GALNT13: variants seen among roughly 807,000 people sequenced by gnomAD.
GALNT13 encodes UDP-GalNAc:polypeptide N-acetylgalactosaminyltransferase 13.
In GALNT13, 28 loss-of-function variants were observed where a neutral mutation model predicts 64.2. The observed-to-expected ratio is 0.44, with a 90% CI of 0.32 to 0.60. The LOEUF (loss-of-function observed/expected upper bound fraction) is 0.60. Ranked by LOEUF, GALNT13 falls within the 20% of genes least tolerant of loss-of-function variation. The pLI is 0.05. For synonymous variants in GALNT13, 214 were observed against 224.6 expected (o/e 0.95, Z 0.42); for missense variants, 577 against 669.8 (o/e 0.86, Z 1.53).
chr2:154,030,577 G>T (rs1698271174), intron 3 of GALNT13, among the ~76,000 whole-genome samples: 1 of 151,670 alleles, frequency 6.6e-6, no homozygotes, highest in African/African-American at 2.4e-5. Flanking sequence ...TATTGATATG[G>T]TTTGGTTCTG....
intron 3 of GALNT13, among the ~76,000 whole-genome samples, chr2:154,069,108 GA>G (rs924330686): frequency 2.0e-5 from 3 of 151,810 alleles, no homozygotes; most frequent in Non-Finnish European, 4.4e-5. Flanking sequence ...CCAAAAGGAA[GA>G]AAAAGTCAAT....
chr2:153,383,662 TA>T, the GALNT13 span, among the ~76,000 whole-genome samples: 1 of 152,088 alleles, frequency 6.6e-6, no homozygotes, highest in Non-Finnish European at 1.5e-5. Context: ...TTAATTCATC[TA>T]AATTGTCTTA....
the GALNT13 span, among the ~76,000 whole-genome samples, chr2:153,275,377 G>T: frequency 2.0e-5 from 3 of 152,146 alleles, no homozygotes; most frequent in Admixed American, 6.5e-5. Context: ...AAGGTGATTA[G>T]GCAATGAGAG....
At chr2:153,139,216 A>G in the GALNT13 span, among the ~76,000 whole-genome samples, 1 of 152,044 alleles carries the variant, frequency 6.6e-6, no homozygotes, top group Non-Finnish European at 1.5e-5. Context: ...CACACAGCAC[A>G]TTCTGTTAGC....
the GALNT13 span, among the ~76,000 whole-genome samples, chr2:153,534,162 C>A: frequency 2.0e-5 from 3 of 152,148 alleles, no homozygotes; most frequent in African/African-American, 7.2e-5. Context: ...ATTCCAACCT[C>A]CCTGCCATAT....
chr2:153,300,520 A>G, the GALNT13 span, among the ~76,000 whole-genome samples: 29 of 152,204 alleles, frequency 1.9e-4, no homozygotes, highest in Non-Finnish European at 3.5e-4. Flanking sequence ...TTGGAGCCTT[A>G]TCATTTTTTA....
At chr2:153,205,742 C>T in the GALNT13 span, among the ~76,000 whole-genome samples, 1 of 152,032 alleles carries the variant, frequency 6.6e-6, no homozygotes, top group Non-Finnish European at 1.5e-5. Flanking sequence ...ATCTAGTACT[C>T]TTTCAATTTG....
the GALNT13 span, among the ~76,000 whole-genome samples, chr2:153,128,612 G>A: frequency 6.6e-6 from 1 of 152,200 alleles, no homozygotes; most frequent in Non-Finnish European, 1.5e-5. Context: ...TGGCACTCTA[G>A]TTATATGTAA....
At position 154,383,748 on chromosome 2, in the gene GALNT13, C is replaced by A. The variant is rs369289072; in HGVS notation, c.1157-12243C>A. Among the ~76,000 whole-genome samples the A allele has an allele frequency of 7.9e-5, 12 of 151,952 alleles. No homozygotes were observed. The East Asian group carries it at 2.1e-3, about 27-fold the overall frequency. On this transcript the variant is annotated intron_variant, in intron 9 of 12. Coordinates refer to ENST00000392825, the MANE Select transcript of GALNT13 (RefSeq NM_052917.4). ...AACTAATACTTTGAAGCCGATTTTT[C>A]ATAAACTTATTGCTATCTATATAGC...
At chr2:153,920,862 G>A (rs1342129497) in intron 2 of GALNT13, among the ~76,000 whole-genome samples, 4 of 152,124 alleles carry the variant, frequency 2.6e-5, no homozygotes, top group African/African-American at 9.6e-5. Flanking sequence ...TGACCAACAA[G>A]CATGTGAAAA....
chr2:154,431,580 C>G (rs184082124), intron 11 of GALNT13, among the ~76,000 whole-genome samples: 137 of 152,194 alleles, frequency 9.0e-4, no homozygotes, highest in Non-Finnish European at 1.6e-3. Flanking sequence ...TGGACATTCT[C>G]CCTAAAAAGA....
chr2:154,093,352 GTAAT>G (rs1701913133), intron 3 of GALNT13, among the ~76,000 whole-genome samples: 1 of 151,952 alleles, frequency 6.6e-6, no homozygotes, highest in Admixed American at 6.6e-5. Context: ...GGAGTAAAGA[GTAAT>G]TAATGCCCAT....
intron 3 of GALNT13, among the ~76,000 whole-genome samples, chr2:154,004,408 G>T (rs1219943573): frequency 6.6e-6 from 1 of 152,080 alleles, no homozygotes; most frequent in Admixed American, 6.5e-5. Flanking sequence ...GTTTCACCAT[G>T]TTAGCCAGGA....
At chr2:154,177,077 C>T (rs1685694160) in intron 4 of GALNT13, among the ~76,000 whole-genome samples, 1 of 152,108 alleles carries the variant, frequency 6.6e-6, no homozygotes, top group Non-Finnish European at 1.5e-5. Flanking sequence ...TGTTCAACAA[C>T]AATAACTGCC....
At chr2:153,779,791 A>G in the GALNT13 span, among the ~76,000 whole-genome samples, 16 of 152,066 alleles carry the variant, frequency 1.1e-4, no homozygotes, top group Non-Finnish European at 2.2e-4. Context: ...ACGGGTTCCA[A>G]TTTTTCTTAG....
intron 4 of GALNT13, among the ~76,000 whole-genome samples, chr2:154,175,987 T>G (rs544850098): frequency 6.6e-6 from 1 of 152,132 alleles, no homozygotes; most frequent in South Asian, 2.1e-4. Flanking sequence ...GTTTATGAAT[T>G]CTAAACATGG....
At chr2:154,177,509 A>G (rs147207664) in intron 4 of GALNT13, among the ~76,000 whole-genome samples, 24 of 152,308 alleles carry the variant, frequency 1.6e-4, no homozygotes, top group African/African-American at 2.2e-4. Flanking sequence ...GAATCCATAC[A>G]TTTGCCAAAA....
the GALNT13 span, among the ~76,000 whole-genome samples, chr2:153,185,080 CTGTT>C: frequency 2.0e-5 from 3 of 152,106 alleles, no homozygotes; most frequent in African/African-American, 2.4e-5. Context: ...AGCTGTGAAT[CTGTT>C]TGGCCCTGGG....
the GALNT13 span, among the ~76,000 whole-genome samples, chr2:153,435,341 G>T: frequency 6.6e-6 from 1 of 152,152 alleles, no homozygotes; most frequent in African/African-American, 2.4e-5. Context: ...GAACTTTAAA[G>T]TAGTTTTTTT....
Sources: gnomAD v4.1 joint callset for allele counts (sites outside exome capture counted in the v4.1 genomes callset) on GRCh38, gnomAD v4.1.1 for gene constraint, MANE v1.5 for transcripts, NCBI Gene and HGNC (gene_info 2026-07-23, HGNC 2026-07-21) for gene names.